TESC: variants seen among roughly 807,000 people sequenced by gnomAD.
TESC encodes tescalcin, also known as calcineurin B homologous protein 3.
TESC carries 19 observed loss-of-function variants against 31.0 expected under a neutral mutation model. That is an observed-to-expected ratio of 0.61 (90% CI 0.43 to 0.90). TESC has a LOEUF of 0.90. TESC is among the 40% of genes least tolerant of loss of function. The pLI is 0.00. For missense variants in TESC, 248 were observed against 303.8 expected (o/e 0.82, Z 1.36); for synonymous variants, 109 against 114.8 (o/e 0.95, Z 0.32).
At chr12:117,045,253 G>C (rs1474998363) in intron 6 of TESC, among the ~76,000 whole-genome samples, 1 of 152,252 alleles carries the variant, frequency 6.6e-6, no homozygotes, top group African/African-American at 2.4e-5. Context: ...GTAGGCAGCG[G>C]GTACGCCCCG....
chr12:117,046,287 G>A (rs968434051), intron 6 of TESC, among the ~76,000 whole-genome samples: 2 of 152,190 alleles, frequency 1.3e-5, no homozygotes, highest in Non-Finnish European at 2.9e-5. Flanking sequence ...AGGCCGGGGT[G>A]GGGGATCAGG....
At chr12:117,045,202 G>A (rs746096664) in intron 6 of TESC, among the ~76,000 whole-genome samples, 2 of 152,228 alleles carry the variant, frequency 1.3e-5, no homozygotes, top group African/African-American at 2.4e-5. Context: ...CCTTGCAGCC[G>A]TCTTCCTGGT....
At chr12:117,056,994 C>T (rs1021534153) in intron 2 of TESC, 108 bp from the exon 3 acceptor site, 33 of 1,033,086 alleles carry the variant, frequency 3.2e-5, no homozygotes, top group Non-Finnish European at 4.6e-5. Context: ...CTAACAGGCC[C>T]CCACAAGAAT....
chr12:117,082,852 G>T (rs1005441794), intron 1 of TESC, among the ~76,000 whole-genome samples: 2 of 152,114 alleles, frequency 1.3e-5, no homozygotes, highest in African/African-American at 4.8e-5. Context: ...TAACTTTTCT[G>T]CAATTTACGG....
At chr12:117,046,372 T>C in intron 6 of TESC, 187 bp downstream of exon 6, 1 of 622,542 alleles carries the variant, frequency 1.6e-6, no homozygotes, top group Non-Finnish European at 2.8e-6. Context: ...TATGCAGCTC[T>C]CTGGGGACTT....
Position 117,075,486 on chromosome 12 carries a change from C to A in TESC, c.59-146G>T, listed in dbSNP as rs1955038658. 6.4e-6 allele frequency: 5 copies of A among 781,038 alleles called. No individual in the cohort carries two copies. The East Asian group carries it at 1.4e-4, about 22-fold the overall frequency. The allele number at this position is 781,038 out of a possible 1,614,324, so 48.4% of individuals were successfully genotyped here. A position where few individuals can be genotyped will look rare whatever the true frequency, so the allele number is the denominator to read the frequency against. ...TCTCCCACCATGGCAAAAGCGAGTG[C>A]CGGGTGAAGCAGCAGAGAAAGGATT... On this transcript the variant is annotated intron_variant, in intron 1 of 7. Coordinates refer to ENST00000335209, the MANE Select transcript of TESC (RefSeq NM_017899.4).
intron 1 of TESC, among the ~76,000 whole-genome samples, chr12:117,078,707 G>C (rs1955105581): frequency 6.6e-6 from 1 of 152,080 alleles, no homozygotes; most frequent in African/African-American, 2.4e-5. Flanking sequence ...ATACAAATGT[G>C]TTTAAGTAAT....
intron 3 of TESC, among the ~76,000 whole-genome samples, chr12:117,052,401 T>C (rs907506828): frequency 1.3e-5 from 2 of 152,192 alleles, no homozygotes; most frequent in African/African-American, 4.8e-5. Flanking sequence ...TTACAGGATG[T>C]GATGTGAAGC....
At chr12:117,067,152 C>T (rs1347232640) in intron 2 of TESC, among the ~76,000 whole-genome samples, 1 of 152,114 alleles carries the variant, frequency 6.6e-6, no homozygotes, top group Non-Finnish European at 1.5e-5. Context: ...ATCATCCTAG[C>T]TGAGGCTTTT....
intron 1 of TESC, among the ~76,000 whole-genome samples, chr12:117,080,289 G>A (rs762570669): frequency 2.0e-4 from 31 of 152,126 alleles, no homozygotes; most frequent in Non-Finnish European, 4.1e-4. Context: ...CCAACATGGT[G>A]AAACCCCATC....
chr12:117,090,226 T>G (rs918542105), intron 1 of TESC, among the ~76,000 whole-genome samples: 2 of 152,240 alleles, frequency 1.3e-5, no homozygotes. Context: ...CAAGAATTAA[T>G]AGTGTCTGCA....
At chr12:117,053,166 C>T (rs1954673233) in intron 3 of TESC, among the ~76,000 whole-genome samples, 1 of 152,238 alleles carries the variant, frequency 6.6e-6, no homozygotes, top group South Asian at 2.1e-4. Flanking sequence ...TCCCTGCCCC[C>T]TCCTTCAGGG....
At chr12:117,084,207 T>A (rs1353483373) in intron 1 of TESC, 1 of 152,192 alleles carries the variant, frequency 6.6e-6, no homozygotes, top group African/African-American at 2.4e-5. Context: ...AGCTGTGAAT[T>A]AGGTGTCAAT....
intron 7 of TESC, among the ~76,000 whole-genome samples, chr12:117,040,033 G>A (rs891968601): frequency 1.1e-4 from 17 of 152,184 alleles, no homozygotes; most frequent in African/African-American, 2.4e-4. Context: ...ACTGCTTCCC[G>A]CTTATGTAAG....
chr12:117,068,808 C>T (rs1412130026), intron 2 of TESC, among the ~76,000 whole-genome samples: 1 of 152,242 alleles, frequency 6.6e-6, no homozygotes, highest in African/African-American at 2.4e-5. Context: ...TGCACCACTA[C>T]ATCTGAAGTA....
intron 2 of TESC, among the ~76,000 whole-genome samples, chr12:117,062,416 T>C (rs1452456660): frequency 6.6e-6 from 1 of 152,146 alleles, no homozygotes; most frequent in Non-Finnish European, 1.5e-5. Context: ...GAGATGGGGT[T>C]TCACCATGTT....
intron 2 of TESC, among the ~76,000 whole-genome samples, chr12:117,062,700 C>T (rs999048448): frequency 1.3e-5 from 2 of 152,338 alleles, no homozygotes; most frequent in South Asian, 2.1e-4. Context: ...TTGAGTCCAG[C>T]GCTTAGGACA....
At chr12:117,084,391 C>T (rs954837566) in intron 1 of TESC, among the ~76,000 whole-genome samples, 2 of 152,222 alleles carry the variant, frequency 1.3e-5, no homozygotes, top group South Asian at 2.1e-4. Flanking sequence ...GGGGCTGCCA[C>T]CGTTCCCTCC....
intron 3 of TESC, among the ~76,000 whole-genome samples, chr12:117,051,876 C>A (rs1462352734): frequency 6.6e-6 from 1 of 152,166 alleles, no homozygotes; most frequent in Non-Finnish European, 1.5e-5. Context: ...CCAAAGAAAC[C>A]CAGACAGAGC....
Sources: gnomAD v4.1 joint callset for allele counts (sites outside exome capture counted in the v4.1 genomes callset) on GRCh38, gnomAD v4.1.1 for gene constraint, MANE v1.5 for transcripts, NCBI Gene and HGNC (gene_info 2026-07-23, HGNC 2026-07-21) for gene names.